The following MUC5AC variants were observed in gnomAD, a reference collection of about 807,000 sequenced individuals.
MUC5AC encodes the protein mucin-5AC.
Under a neutral mutation model 169.7 loss-of-function variants are expected in MUC5AC, and 158 were observed. The ratio of observed to expected loss-of-function variants is 0.93; its 90% confidence interval spans 0.82 to 1.06. The LOEUF (loss-of-function observed/expected upper bound fraction) is 1.06. MUC5AC is among the 50% of genes least tolerant of loss of function. The pLI is 0.00. For missense variants in MUC5AC, 4,359 were observed against 3,089.9 expected, an observed-to-expected ratio of 1.41 and a Z score of -9.74; for synonymous variants, 1,975 against 1,237.0, an observed-to-expected ratio of 1.60 and a Z score of -12.52.
intron 46 of MUC5AC, 47 bp downstream of exon 46, chr11:1,199,537 G>T (rs1203604751): frequency 1.4e-6 from 1 of 701,240 alleles, no homozygotes; most frequent in Non-Finnish European, 2.6e-6. Flanking sequence ...TTCACCCCTA[G>T]ATGGGTTTGG....
At chr11:1,160,922 C>T (rs567130859) in intron 2 of MUC5AC, among the ~76,000 whole-genome samples, 7 of 152,358 alleles carry the variant, frequency 4.6e-5, no homozygotes, top group African/African-American at 9.6e-5. Context: ...AGCTGCAGGG[C>T]GGGGCAGATT....
chr11:1,177,173 C>T (rs1222208208), intron 22 of MUC5AC, 58 bp from the exon 23 acceptor site: 2 of 398,868 alleles, frequency 5.0e-6, no homozygotes, highest in Non-Finnish European at 8.8e-6. Context: ...CCGCCTCATC[C>T]TCCTTGCGGG....
At position 1,186,628 on chromosome 11, in the gene MUC5AC, C is replaced by A; in HGVS notation, c.8483C>A (p.Thr2828Lys). ...TSTTSAPTTS[T>K]TSGPGTTSSP... ...ACAACTTCGGCTCCTACAACCAGCA[C>A]AACTTCTGGTCCTGGAACTACTTCA... is the stretch of plus-strand genomic sequence containing the variant. The change falls in exon 31 of 49, where the codon ACA becomes AAA. Residue 2828 changes from threonine to lysine, a missense_variant. Thr to Lys is a moderately conservative substitution (Grantham distance 78). Transcript: ENST00000621226. 2.7e-6 allele frequency: 2 copies of A among 728,962 alleles called. No individual in the cohort carries two copies. The highest frequency in any genetic ancestry group is 5.0e-6 in the Non-Finnish European group (2 of 399,568). The allele number at this position is 728,962 out of a possible 1,614,324, so 45.2% of individuals were successfully genotyped here.
intron 15 of MUC5AC, among the ~76,000 whole-genome samples, chr11:1,169,675 C>CTCACCCAT (rs1383535392): frequency 6.9e-6 from 1 of 144,492 alleles, no homozygotes; most frequent in African/African-American, 2.6e-5. Flanking sequence ...CACCCACTCA[C>CTCACCCAT]TCACCCATTC....
intron 40 of MUC5AC, 123 bp from the exon 41 acceptor site, chr11:1,197,345 G>GT: frequency 1.6e-6 from 1 of 632,142 alleles, no homozygotes; most frequent in Admixed American, 2.3e-5. Context: ...CTCCTGCTGG[G>GT]TCCTCAGTGC....
intron 26 of MUC5AC, among the ~76,000 whole-genome samples, chr11:1,179,772 C>G (rs1289916928): frequency 3.3e-5 from 5 of 152,176 alleles, no homozygotes; most frequent in African/African-American, 7.2e-5. Flanking sequence ...CTGCCCAGCT[C>G]TAGCCCACAC....
intron 9 of MUC5AC, among the ~76,000 whole-genome samples, chr11:1,164,770 T>C (rs28690037): frequency 0.16 from 18,875 of 116,718 alleles, 1,743 homozygotes; most frequent in Non-Finnish European, 0.19. Flanking sequence ...GTCCTGAGCC[T>C]CCTGAGGCTG....
At chr11:1,194,441 C>T (rs565569039) in intron 34 of MUC5AC, 46 bp from the exon 35 acceptor site, 17 of 716,944 alleles carry the variant, frequency 2.4e-5, no homozygotes, top group South Asian at 8.6e-5. Flanking sequence ...GCTGACCGCC[C>T]GCCCGCCTGC....
Position 1,168,769 on chromosome 11 carries a change from G to A in MUC5AC, c.1695G>A (p.Gly565=), listed in dbSNP as rs2133727376. The part of the protein sequence containing the change: ...LFMQLAPKLR[G]QTCGLCGNFN... Reference sequence around the variant, plus strand: ...TGCAGCTGGCGCCCAAGCTCCGTGGGCAGACCTGCGGTAAGAGGGCTGCCT... The same window carrying A: ...TGCAGCTGGCGCCCAAGCTCCGTGGACAGACCTGCGGTAAGAGGGCTGCCT... The change falls in exon 14 of 49, where the codon GGG becomes GGA. Residue 565 remains glycine, a synonymous_variant. Coordinates refer to ENST00000621226, the MANE Select transcript of MUC5AC (RefSeq NM_001304359.2). 1.2e-6 allele frequency: 2 copies of A among 1,602,052 alleles called. No individual in the cohort carries two copies. Among genetic ancestry groups the A allele is most frequent in the East Asian group, 4.5e-5 (2 of 44,562 alleles).
Position 1,190,522 on chromosome 11 carries a change from C to T in MUC5AC, c.12377C>T (p.Thr4126Ile), listed in dbSNP as rs1171450503. The change falls in exon 31 of 49, where the codon ACA (threonine) becomes ATA (isoleucine). Residue 4126 changes from threonine to isoleucine, a missense_variant. Thr to Ile is a moderately conservative substitution (Grantham distance 89). Transcript: ENST00000621226. ...ACACCCAGCACAACCTCTGCCCCTA[C>T]AACCAGCACAACCTCTGCCCCTACA... ...ASTPSTTSAPTTSTTSAPTTS... is the reference protein window; with the variant it reads ...ASTPSTTSAPITSTTSAPTTS... The T allele has an allele frequency of 6.0e-6, 3 of 500,784 alleles. No individual in the cohort carries two copies. The highest frequency in any genetic ancestry group is 5.4e-5 in the East Asian group (2 of 36,980). 31.0% of individuals were successfully genotyped at this position (500,784 alleles called of 1,614,324 possible). A position where few individuals can be genotyped will look rare whatever the true frequency, so the allele number is the denominator to read the frequency against.
At chr11:1,171,940 C>T (rs1436916317) in intron 15 of MUC5AC, among the ~76,000 whole-genome samples, 1 of 101,578 alleles carries the variant, frequency 9.8e-6, no homozygotes, top group Non-Finnish European at 2.3e-5. Flanking sequence ...CTCATCCACT[C>T]ATTCACTCAC....
At chr11:1,198,080 A>C in intron 42 of MUC5AC, 76 bp downstream of exon 42, 1 of 643,592 alleles carries the variant, frequency 1.6e-6, no homozygotes, top group Non-Finnish European at 2.8e-6. Context: ...GGCCATAACC[A>C]GATGCCAGTG....
In MUC5AC at chr11:1,163,053, C is replaced by G; in HGVS notation, c.679+8C>G. 1.9e-6 allele frequency: 3 copies of G among 1,610,928 alleles called. No homozygotes were observed. The highest frequency in any genetic ancestry group is 2.5e-6 in the Non-Finnish European group (3 of 1,178,238). On this transcript the variant is annotated splice_region_variant and intron_variant, in intron 6 of 48. Transcript: ENST00000621226. ...GCGAGCTCCTCTCCCACAGTAAGGC[C>G]CCACATCGCCCTCAGCCCCTTCCTC...
chr11:1,167,538 C>T (rs188269658), intron 11 of MUC5AC, among the ~76,000 whole-genome samples: 66 of 152,362 alleles, frequency 4.3e-4, no homozygotes, highest in Non-Finnish European at 6.8e-4. Context: ...AAGTTTCACG[C>T]AGACAGCTCC....
rs1447459368 is a variant in MUC5AC at position 1,195,867 on chromosome 11, C to T, written c.15459-9C>T. The T allele has an allele frequency of 5.2e-6, 4 of 762,978 alleles. No individual in the cohort carries two copies. Among genetic ancestry groups the T allele is most frequent in the Admixed American group, 5.1e-5 (3 of 58,926 alleles). 47.3% of individuals were successfully genotyped at this position (762,978 alleles called of 1,614,324 possible). A position where few individuals can be genotyped will look rare whatever the true frequency, so the allele number is the denominator to read the frequency against. On this transcript the variant is annotated splice_polypyrimidine_tract_variant and intron_variant, in intron 36 of 48. Coordinates refer to ENST00000621226, the MANE Select transcript of MUC5AC (RefSeq NM_001304359.2). ...GCTGCACCCAGCACCCTGCCCATCC[C>T]TCCCACAGGGTCTTTGAGCCGTGCC...
intron 16 of MUC5AC, among the ~76,000 whole-genome samples, chr11:1,173,665 C>T (rs1860608817): frequency 6.6e-6 from 1 of 151,538 alleles, no homozygotes; most frequent in South Asian, 2.1e-4. Flanking sequence ...CTCATTCATT[C>T]CTTTACTCAT....
rs375911006 is a variant in MUC5AC, at chr11:1,196,100, G to A, written c.15637+46G>A. The A allele has an allele frequency of 1.6e-4, 119 of 734,576 alleles. No homozygotes were observed. In the African/African-American group the frequency reaches 1.9e-3, roughly 12 times the overall value. The allele number at this position is 734,576 out of a possible 1,614,324, so 45.5% of individuals were successfully genotyped here. On this transcript the variant is annotated intron_variant, in intron 37 of 48. Coordinates refer to ENST00000621226, the MANE Select transcript of MUC5AC (RefSeq NM_001304359.2). ...CAGGGTCCCAAGTCGCTTGTGAGGG[G>A]CACAGGCACGCCGGACGGACCAACA...
In MUC5AC at chr11:1,162,136, G is replaced by C; in HGVS notation, c.441G>C (p.Leu147=). The change falls in exon 4 of 49, where the codon CTG becomes CTC. Residue 147 remains leucine, a synonymous_variant. Transcript: ENST00000621226. ...LMKVDGVVIQ[L]TKGSVLVNGH... is the part of the protein sequence containing the mutation. ...AGGTGGATGGCGTGGTCATCCAGCT[G>C]ACCAAGGGCTCCGTCCTGGTCAACG... 5 of 1,612,558 alleles carry C rather than the reference G, an allele frequency of 3.1e-6. No homozygotes were observed. Among genetic ancestry groups the C allele is most frequent in the Non-Finnish European group, 3.4e-6 (4 of 1,179,834 alleles).
Position 1,182,526 on chromosome 11 carries a change from C to A in MUC5AC, c.4381C>A (p.Gln1461Lys). Residue 1461 changes from glutamine (Q) to lysine (K), a missense_variant, in exon 31 of 49, where the codon CAG (glutamine) becomes AAG (lysine). By Grantham distance (53) the Gln-to-Lys change is moderately conservative. Coordinates refer to ENST00000621226, the MANE Select transcript of MUC5AC (RefSeq NM_001304359.2). ...GGGGCTGACCTGTCGTAACAGGGAGCAGGCATCGGGGCTCTGCTACAACTA... is the reference window on the plus strand; with the variant it reads ...GGGGCTGACCTGTCGTAACAGGGAGAAGGCATCGGGGCTCTGCTACAACTA... ...DVGLTCRNRE[Q>K]ASGLCYNYQI... The A allele has an allele frequency of 2.5e-6, 1 of 398,666 alleles. No homozygotes were observed. The highest frequency in any genetic ancestry group is 4.4e-6 in the Non-Finnish European group (1 of 226,122). 24.7% of individuals were successfully genotyped at this position (398,666 alleles called of 1,614,324 possible).
Sources: gnomAD v4.1 joint callset for allele counts (sites outside exome capture counted in the v4.1 genomes callset) on GRCh38, gnomAD v4.1.1 for gene constraint, MANE v1.5 for transcripts, NCBI Gene and HGNC (gene_info 2026-07-23, HGNC 2026-07-21) for gene names.